Variants in PKD2L1 observed in about 807,000 individuals in gnomAD.
The protein encoded by PKD2L1 is polycystin 2 like 1, transient receptor potential cation channel.
Under a neutral mutation model 93.0 loss-of-function variants are expected in PKD2L1, and 77 were observed. The observed-to-expected ratio is 0.83, with a 90% CI of 0.69 to 1.00. PKD2L1 has a LOEUF of 1.00. PKD2L1 is among the 50% of genes least tolerant of loss of function. PKD2L1 has a pLI of 0.00. For missense variants in PKD2L1, 977 were observed against 990.9 expected, an observed-to-expected ratio of 0.99 and a Z score of 0.19; for synonymous variants, 390 against 388.0, an observed-to-expected ratio of 1.01 and a Z score of -0.06.
intron 2 of PKD2L1, among the ~76,000 whole-genome samples, chr10:100,321,800 GA>G (rs1849255746): frequency 9.0e-5 from 1 of 11,060 alleles, no homozygotes; most frequent in African/African-American, 4.4e-4. Flanking sequence ...GGGAGGGAGG[GA>G]GGGAGGGAGG....
intron 12 of PKD2L1, 43 bp from the exon 13 acceptor site, chr10:100,290,562 G>A (rs1331701146): frequency 7.7e-7 from 1 of 1,291,882 alleles, no homozygotes; most frequent in African/African-American, 1.5e-5. Context: ...GATAACTCTG[G>A]GAAGCCATCA....
chr10:100,311,158 C>G (rs1185500565), intron 2 of PKD2L1, among the ~76,000 whole-genome samples: 1 of 152,226 alleles, frequency 6.6e-6, no homozygotes, highest in Non-Finnish European at 1.5e-5. Flanking sequence ...TTTTCTTGCT[C>G]AGCAATGAGA....
intron 2 of PKD2L1, among the ~76,000 whole-genome samples, chr10:100,314,944 AAAG>A (rs1849030538): frequency 2.5e-5 from 1 of 40,530 alleles, no homozygotes; most frequent in Non-Finnish European, 5.8e-5. Flanking sequence ...CTAAGGCAGA[AAAG>A]AAAGAAAGAA....
intron 15 of PKD2L1, 90 bp from the exon 16 acceptor site, chr10:100,288,568 G>A: frequency 1.2e-6 from 1 of 834,132 alleles, no homozygotes; most frequent in Admixed American, 1.8e-5. Flanking sequence ...GAAGTAGGAA[G>A]ACATCTAGAT....
chr10:100,301,454 G>GCCCC (rs55870246), intron 2 of PKD2L1, among the ~76,000 whole-genome samples: 103 of 146,468 alleles, frequency 7.0e-4, no homozygotes, highest in African/African-American at 2.5e-3. Context: ...CATTTTAGAG[G>GCCCC]CCCCCCCCCC....
At chr10:100,298,091 A>G (rs1301730377) in intron 4 of PKD2L1, among the ~76,000 whole-genome samples, 3 of 152,018 alleles carry the variant, frequency 2.0e-5, no homozygotes, top group Non-Finnish European at 4.4e-5. Context: ...TCTATCCACT[A>G]AACTTTCTAC....
In PKD2L1 at chr10:100,288,274, T is replaced by C; in HGVS notation, c.*122A>G. The C allele has an allele frequency of 2.9e-6, 2 of 687,930 alleles. No individual in the cohort carries two copies. Among genetic ancestry groups the C allele is most frequent in the Non-Finnish European group, 5.3e-6 (2 of 379,482 alleles). The allele number at this position is 687,930 out of a possible 1,614,324, so 42.6% of individuals were successfully genotyped here. The stretch of plus-strand genomic sequence containing the variant: ...ATCCTGAGTTCATTTCCTTGCCTGA[T>C]TCCCTTCAGGCTCCATTTTTATCTC... On this transcript the variant is annotated 3_prime_UTR_variant, in exon 16 of 16. Coordinates refer to ENST00000318222, the MANE Select transcript of PKD2L1 (RefSeq NM_016112.3).
At position 100,289,882 on chromosome 10, in the gene PKD2L1, C is replaced by A. The variant is rs943851268; in HGVS notation, c.2250+133G>T. 6 of 1,061,022 alleles carry A rather than the reference C, an allele frequency of 5.7e-6. No homozygotes were observed. The Admixed American group carries it at 1.2e-4, about 21-fold the overall frequency. The allele number at this position is 1,061,022 out of a possible 1,614,324, so 65.7% of individuals were successfully genotyped here. On this transcript the variant is annotated intron_variant, in intron 14 of 15. Transcript: ENST00000318222. ...GACCCATCTCTGCTGATACACTAAC[C>A]GCTATGAACATGTTTCCCCAGGAGC...
intron 2 of PKD2L1, among the ~76,000 whole-genome samples, chr10:100,302,137 A>G (rs1052358171): frequency 1.3e-5 from 2 of 152,040 alleles, no homozygotes; most frequent in Admixed American, 1.3e-4. Context: ...ACCGGCCTCA[A>G]ATGGTGATTT....
At chr10:100,291,560 A>G (rs1043051624) in intron 11 of PKD2L1, 133 bp from the exon 12 acceptor site, 18 of 824,584 alleles carry the variant, frequency 2.2e-5, no homozygotes, top group African/African-American at 5.1e-5. Flanking sequence ...AAGTCTAGCA[A>G]TCTTACCCCC....
At chr10:100,315,732 T>C (rs1014099180) in intron 2 of PKD2L1, among the ~76,000 whole-genome samples, 4 of 152,188 alleles carry the variant, frequency 2.6e-5, no homozygotes, top group Admixed American at 2.0e-4. Context: ...GCCTTTTTCC[T>C]CTTACTTGCC....
In PKD2L1 at chr10:100,321,465, A is replaced by G. The variant is rs545640529; in HGVS notation, c.349+7746T>C. On this transcript the variant is annotated intron_variant, in intron 2 of 15. Coordinates refer to ENST00000318222, the MANE Select transcript of PKD2L1 (RefSeq NM_016112.3). ...ACAGAGCGAGACTCTGTCTCAAAAA[A>G]AAAAGAAAAGAAAAGAAAAGAAAAT... Among the ~76,000 whole-genome samples, 874 of 148,690 alleles carry G rather than the reference A, an allele frequency of 5.9e-3. 15 individuals carry two copies. The highest frequency in any genetic ancestry group is 0.02 in the African/African-American group (804 of 40,126).
chr10:100,297,224 G>C lies in PKD2L1; in HGVS notation c.957-16C>G. The C allele has an allele frequency of 6.2e-7, 1 of 1,608,418 alleles. No homozygotes were observed. The highest frequency in any genetic ancestry group is 2.2e-5 in the East Asian group (1 of 44,840). ...CACCACCAGCCTATAGGGGGAGGGG[G>C]AGATGACCTCCAGTGGAGCCTTCGC... On this transcript the variant is annotated splice_polypyrimidine_tract_variant and intron_variant, in intron 5 of 15. Coordinates refer to ENST00000318222, the MANE Select transcript of PKD2L1 (RefSeq NM_016112.3).
chr10:100,315,759 A>G (rs905499251), intron 2 of PKD2L1, among the ~76,000 whole-genome samples: 1 of 152,126 alleles, frequency 6.6e-6, no homozygotes, highest in East Asian at 1.9e-4. Context: ...GACTCTGACT[A>G]TGGCAAAACT....
intron 2 of PKD2L1, among the ~76,000 whole-genome samples, chr10:100,328,035 G>A (rs769602994): frequency 1.9e-4 from 29 of 152,110 alleles, no homozygotes; most frequent in African/African-American, 2.7e-4. Flanking sequence ...AGAGTATTGC[G>A]GAGCCTAGAA....
At chr10:100,295,731 CAAAAAAA>C (rs71013441) in intron 7 of PKD2L1, among the ~76,000 whole-genome samples, 3 of 56,620 alleles carry the variant, frequency 5.3e-5, no homozygotes, top group East Asian at 5.1e-4. Flanking sequence ...GACTTCGTCT[CAAAAAAA>C]AAAAAAAAAA....
intron 2 of PKD2L1, among the ~76,000 whole-genome samples, chr10:100,323,528 C>T (rs1427465666): frequency 1.3e-5 from 2 of 152,160 alleles, no homozygotes; most frequent in Non-Finnish European, 2.9e-5. Flanking sequence ...CTCGGTCTGC[C>T]GAAGTTCTGG....
rs748922564 is a variant in PKD2L1 at position 100,291,403 on chromosome 10, G to A, written c.1905C>T (p.Ile635=). Residue 635 remains isoleucine, a synonymous_variant, in exon 12 of 16, where the codon ATC becomes ATT. Coordinates refer to ENST00000318222, the MANE Select transcript of PKD2L1 (RefSeq NM_016112.3). The part of the protein sequence containing the change: ...LRELGHAEHE[I]TELTATFTKF... Reference sequence around the variant, plus strand: ...TGGTGAAGGTGGCCGTGAGCTCAGTGATTTCATGCTCTGCGTGTCCCAGTC... The same window carrying A: ...TGGTGAAGGTGGCCGTGAGCTCAGTAATTTCATGCTCTGCGTGTCCCAGTC... The A allele has an allele frequency of 8.1e-6, 13 of 1,613,948 alleles. No homozygotes were observed. The highest frequency in any genetic ancestry group is 2.7e-5 in the African/African-American group (2 of 74,904).
At chr10:100,314,981 A>AG (rs1849043142) in intron 2 of PKD2L1, among the ~76,000 whole-genome samples, 2 of 6,022 alleles carry the variant, frequency 3.3e-4, no homozygotes, top group Non-Finnish European at 9.0e-4. Flanking sequence ...GAAGGAAGGA[A>AG]GGAAGGAAGG....
Sources: gnomAD v4.1 joint callset for allele counts (sites outside exome capture counted in the v4.1 genomes callset) on GRCh38, gnomAD v4.1.1 for gene constraint, MANE v1.5 for transcripts, NCBI Gene and HGNC (gene_info 2026-07-23, HGNC 2026-07-21) for gene names.